The following TAF2 variants were observed in gnomAD, a reference collection of about 807,000 sequenced individuals.
TAF2 encodes the protein transcription initiation factor TFIID subunit 2.
In TAF2, 61 loss-of-function variants were observed where a neutral mutation model predicts 138.5. The observed-to-expected ratio is 0.44, with a 90% CI of 0.36 to 0.54. TAF2 has a LOEUF of 0.54. TAF2 is among the 20% of genes least tolerant of loss of function. The pLI is 0.00. For synonymous variants in TAF2, 475 were observed against 469.9 expected (o/e 1.01, Z -0.14); for missense variants, 1,090 against 1,427.9 (o/e 0.76, Z 3.81).
intron 6 of TAF2, among the ~76,000 whole-genome samples, chr8:119,799,616 GTGCATCTGTCTTT>G (rs1463518531): frequency 6.6e-6 from 1 of 152,160 alleles, no homozygotes; most frequent in Non-Finnish European, 1.5e-5. Context: ...AAACACACAT[GTGCATCTGTCTTT>G]ATAGCAGCAT....
In TAF2 at chr8:119,789,748, T is replaced by C; in HGVS notation, c.1414-2A>G. 6.2e-7 allele frequency: 1 copy of C among 1,613,184 alleles called. No individual in the cohort carries two copies. Among genetic ancestry groups the C allele is most frequent in the South Asian group, 1.1e-5 (1 of 91,058 alleles). ...CAGACTTAGCAGTTTATTGAAAACC[T>C]GTAAGGATAAAATCATTTAGTAAAT... On this transcript the variant is annotated splice_acceptor_variant, in intron 11 of 25. Transcript: ENST00000378164. LOFTEE classifies it high-confidence loss of function.
In TAF2 at chr8:119,769,550, A is replaced by G. The variant is rs184585935; in HGVS notation, c.2365-6942T>C. Among the ~76,000 whole-genome samples, 496 of 152,218 alleles carry G rather than the reference A, an allele frequency of 3.3e-3. 2 individuals are homozygous for G. The highest frequency in any genetic ancestry group is 0.011 in the African/African-American group (444 of 41,530). Reference sequence around the variant, plus strand: ...CAAAGAGACACAAGAGAAAGTTGAAAAGCAATACAAAGAAACCAGAAAAAC... The same window carrying G: ...CAAAGAGACACAAGAGAAAGTTGAAGAGCAATACAAAGAAACCAGAAAAAC... On this transcript the variant is annotated intron_variant, in intron 18 of 25. Transcript: ENST00000378164.
chr8:119,779,726 G>A (rs781333738), intron 17 of TAF2, among the ~76,000 whole-genome samples: 2 of 152,208 alleles, frequency 1.3e-5, no homozygotes, highest in Middle Eastern at 3.4e-3. Context: ...CTTTTCCATC[G>A]TAAATAAATT....
chr8:119,735,507 A>G lies in TAF2; in HGVS notation c.3338-3321T>C, dbSNP rs575136216. Among the ~76,000 whole-genome samples, 145 of 152,322 alleles carry G rather than the reference A, an allele frequency of 9.5e-4. 2 individuals carry two copies. In the South Asian group the frequency reaches 0.029, roughly 31 times the overall value. ...TTCCTCTTTGTCAGGCACTGCTCCA[A>G]TATTTTAGAACACGTGAACAAATCA... On this transcript the variant is annotated intron_variant, in intron 25 of 25. Transcript: ENST00000378164.
intron 22 of TAF2, among the ~76,000 whole-genome samples, chr8:119,751,900 A>G (rs1820378667): frequency 6.6e-6 from 1 of 152,164 alleles, no homozygotes; most frequent in African/African-American, 2.4e-5. Context: ...TGCAAAGAGC[A>G]TTTTTGGAAA....
At chr8:119,784,627 G>C (rs1424155256) in intron 15 of TAF2, among the ~76,000 whole-genome samples, 1 of 151,878 alleles carries the variant, frequency 6.6e-6, no homozygotes, top group Non-Finnish European at 1.5e-5. Context: ...GTACAGAATG[G>C]GCAAAATTAG....
At chr8:119,817,913 T>C (rs1157411177) in intron 3 of TAF2, among the ~76,000 whole-genome samples, 1 of 152,238 alleles carries the variant, frequency 6.6e-6, no homozygotes, top group Admixed American at 6.5e-5. Flanking sequence ...ATGCAGATAA[T>C]TTTGTAATAA....
intron 2 of TAF2, among the ~76,000 whole-genome samples, chr8:119,819,773 C>T (rs1039949927): frequency 6.6e-6 from 1 of 151,834 alleles, no homozygotes; most frequent in Non-Finnish European, 1.5e-5. Flanking sequence ...TAAAAGGGCT[C>T]ACTACTCTCA....
chr8:119,824,274 C>T (rs959277978), intron 2 of TAF2, among the ~76,000 whole-genome samples: 1 of 151,792 alleles, frequency 6.6e-6, no homozygotes, highest in Non-Finnish European at 1.5e-5. Flanking sequence ...ACTAAAAATA[C>T]AGAAAATTAG....
chr8:119,775,846 T>G (rs1822192900), intron 18 of TAF2, among the ~76,000 whole-genome samples: 1 of 152,224 alleles, frequency 6.6e-6, no homozygotes, highest in Non-Finnish European at 1.5e-5. Flanking sequence ...AAAATTTCCC[T>G]GGGAACTACT....
In TAF2 at chr8:119,754,249, T is replaced by C. The variant is rs146296731; in HGVS notation, c.2878+1757A>G. ...TATACAACCACTTAACATCTCAATATTAGTGAACTAAGTAATAAAATAAAA... is the reference window on the plus strand; with the variant it reads ...TATACAACCACTTAACATCTCAATACTAGTGAACTAAGTAATAAAATAAAA... On this transcript the variant is annotated intron_variant, in intron 22 of 25. Coordinates refer to ENST00000378164, the MANE Select transcript of TAF2 (RefSeq NM_003184.4). Among the ~76,000 whole-genome samples the C allele has an allele frequency of 1.6e-3, 248 of 152,284 alleles. 1 individual carries two copies. Among genetic ancestry groups the C allele is most frequent in the African/African-American group, 5.6e-3 (234 of 41,554 alleles).
At chr8:119,816,887 G>A (rs1444932674) in intron 3 of TAF2, among the ~76,000 whole-genome samples, 5 of 152,086 alleles carry the variant, frequency 3.3e-5, no homozygotes, top group African/African-American at 7.2e-5. Context: ...TCCTTCATGC[G>A]AATTTCATTA....
intron 2 of TAF2, among the ~76,000 whole-genome samples, chr8:119,828,681 G>A (rs1826250385): frequency 6.6e-6 from 1 of 152,192 alleles, no homozygotes; most frequent in Non-Finnish European, 1.5e-5. Context: ...AGCAGGGACT[G>A]TTACAATTTA....
intron 25 of TAF2, among the ~76,000 whole-genome samples, chr8:119,738,932 G>C (rs528395764): frequency 9.0e-4 from 136 of 150,480 alleles, no homozygotes; most frequent in African/African-American, 3.1e-3. Context: ...ATAATTTAAG[G>C]ATAAAAAAAT....
chr8:119,815,213 C>T (rs1360865059), intron 3 of TAF2, among the ~76,000 whole-genome samples: 34 of 149,552 alleles, frequency 2.3e-4, no homozygotes, highest in African/African-American at 6.9e-4. Context: ...ACCTGGGAGG[C>T]GGAGGTTGCA....
intron 22 of TAF2, among the ~76,000 whole-genome samples, chr8:119,754,204 T>C (rs1011753780): frequency 5.3e-5 from 8 of 152,098 alleles, no homozygotes; most frequent in African/African-American, 1.7e-4. Flanking sequence ...ACTGTTATTA[T>C]GAAACAGAAA....
chr8:119,757,069 C>T (rs1390150439), intron 21 of TAF2, among the ~76,000 whole-genome samples: 1 of 152,086 alleles, frequency 6.6e-6, no homozygotes, highest in Non-Finnish European at 1.5e-5. Flanking sequence ...ATTTAACTGA[C>T]AGTAGTAAGA....
At chr8:119,807,147 C>T (rs1006960642) in intron 3 of TAF2, among the ~76,000 whole-genome samples, 1 of 152,156 alleles carries the variant, frequency 6.6e-6, no homozygotes, top group African/African-American at 2.4e-5. Flanking sequence ...CTCAGTTCCT[C>T]AAAATGTAAT....
intron 22 of TAF2, among the ~76,000 whole-genome samples, chr8:119,755,017 GT>G (rs1425741564): frequency 1.3e-5 from 2 of 152,172 alleles, no homozygotes; most frequent in African/African-American, 4.8e-5. Flanking sequence ...CAGACACTGT[GT>G]TTTACAGACA....
Sources: allele counts gnomAD v4.1 joint callset (sites outside exome capture counted in the v4.1 genomes callset), GRCh38; gene constraint gnomAD v4.1.1; transcripts MANE v1.5; gene names NCBI Gene and HGNC (gene_info 2026-07-23, HGNC 2026-07-21).